Variants in CELA3A observed in about 807,000 individuals in gnomAD.
CELA3A encodes the protein chymotrypsin-like elastase family member 3A.
Under a neutral mutation model 38.6 loss-of-function variants are expected in CELA3A, and 35 were observed. The ratio of observed to expected loss-of-function variants is 0.91; its 90% CI spans 0.69 to 1.20. CELA3A has a LOEUF of 1.20. Ranked by LOEUF, CELA3A falls within the 50% of genes most tolerant of loss-of-function variation. The pLI, the probability that CELA3A is intolerant of heterozygous loss-of-function variation, is 0.00. For missense variants in CELA3A, 343 were observed against 354.2 expected (o/e 0.97, Z 0.25); for synonymous variants, 143 against 136.7 (o/e 1.05, Z -0.32).
At chr1:22,009,118 C>G (rs1044504406) in intron 6 of CELA3A, among the ~76,000 whole-genome samples, 2 of 151,308 alleles carry the variant, frequency 1.3e-5, no homozygotes, top group African/African-American at 4.9e-5. Context: ...GTAATCCCAG[C>G]ACTTCGGGAG....
Position 22,011,961 on chromosome 1 carries a change from G to A in CELA3A, c.796-489G>A, listed in dbSNP as rs1304047605. 6.3e-5 allele frequency among the ~76,000 whole-genome samples: 8 copies of A among 126,632 alleles called. 1 individual carries two copies. The highest frequency in any genetic ancestry group is 2.6e-4 in the African/African-American group (8 of 30,750). The allele number at this position is 126,632 out of a possible 152,430, so 83.1% of individuals were successfully genotyped here. ...CCAGCTACTTGGGAGGCTGAGGAAG[G>A]AGAATGGCATGAACCCAAGAAGTGG... is the stretch of plus-strand genomic sequence containing the variant. On this transcript the variant is annotated intron_variant, in intron 7 of 7. Transcript: ENST00000290122.
intron 4 of CELA3A, 36 bp from the exon 5 acceptor site, chr1:22,006,842 G>T: frequency 6.2e-7 from 1 of 1,604,678 alleles, no homozygotes; most frequent in East Asian, 2.3e-5. Flanking sequence ...GGGCCGGCTG[G>T]AGGACCAGGC....
chr1:22,007,553 G>A (rs369594877), intron 6 of CELA3A, 38 bp downstream of exon 6: 11 of 1,584,150 alleles, frequency 6.9e-6, no homozygotes, highest in Admixed American at 3.5e-5. Flanking sequence ...GGTGCTGGGT[G>A]TGCAGGACCT....
intron 4 of CELA3A, among the ~76,000 whole-genome samples, 196 bp from the exon 5 acceptor site, chr1:22,006,682 A>G (rs1277501203): frequency 6.7e-6 from 1 of 148,592 alleles, no homozygotes; most frequent in Non-Finnish European, 1.5e-5. Context: ...GTGACACTGC[A>G]CTCCAGCCTG....
At position 22,002,388 on chromosome 1, in the gene CELA3A, G is replaced by C. The variant is rs1210915529; in HGVS notation, c.44-615G>C. The C allele has an allele frequency of 8.2e-6, 3 of 364,046 alleles. No homozygotes were observed. In the East Asian group the frequency reaches 2.3e-4, roughly 28 times the overall value. The allele number at this position is 364,046 out of a possible 1,614,324, so 22.6% of individuals were successfully genotyped here. On this transcript the variant is annotated intron_variant, in intron 1 of 7. Transcript: ENST00000290122. ...TTTTTGCTTTTTTTTTGTAGAGATG[G>C]GGTCTTGCTTTGTTGCCCAGACTGG... is the stretch of plus-strand genomic sequence containing the variant.
intron 2 of CELA3A, 84 bp from the exon 3 acceptor site, chr1:22,005,363 A>G: frequency 6.6e-7 from 1 of 1,519,458 alleles, no homozygotes; most frequent in Non-Finnish European, 9.1e-7. Flanking sequence ...CTAGAGTTGC[A>G]CAGTGCACAA....
At chr1:22,004,837 C>A (rs369666698) in intron 2 of CELA3A, among the ~76,000 whole-genome samples, 9 of 144,632 alleles carry the variant, frequency 6.2e-5, no homozygotes, top group Non-Finnish European at 1.1e-4. Context: ...CGGTGGCTCA[C>A]GCCTGTAATC....
At position 22,004,352 on chromosome 1, in the gene CELA3A, C is replaced by T. The variant is rs182348750; in HGVS notation, c.130-1095C>T. 7.9e-5 allele frequency among the ~76,000 whole-genome samples: 12 copies of T among 151,210 alleles called. 2 individuals are homozygous for T. The highest frequency in any genetic ancestry group is 2.9e-4 in the African/African-American group (12 of 40,896). On this transcript the variant is annotated intron_variant, in intron 2 of 7. Transcript: ENST00000290122. ...CCTCCCACAGTGCTGGGATTATAGGCGTAAGCCACCATGCTTGGCCTGCTT... is the reference window on the plus strand; with the variant it reads ...CCTCCCACAGTGCTGGGATTATAGGTGTAAGCCACCATGCTTGGCCTGCTT...
chr1:22,009,748 G>A lies in CELA3A; in HGVS notation c.686G>A (p.Gly229Asp), dbSNP rs759074864. 7 of 1,612,220 alleles carry A rather than the reference G, an allele frequency of 4.3e-6. No individual in the cohort carries two copies. Among genetic ancestry groups the A allele is most frequent in the Non-Finnish European group, 5.9e-6 (7 of 1,179,422 alleles). The part of the protein sequence containing the change: ...GPLNCPTEDG[G>D]WQVHGVTSFV... ...CTCAACTGCCCCACAGAGGATGGTG[G>A]CTGGCAGGTCCACGGTGTGACCAGC... Residue 229 changes from glycine (G) to aspartate (D), a missense_variant, in exon 7 of 8, where the codon GGC (glycine) becomes GAC (aspartate). Transcript: ENST00000290122.
At chr1:22,005,621 TG>T (rs201725938) in intron 3 of CELA3A, 40 bp from the exon 4 acceptor site, 32,610 of 1,610,900 alleles carry the variant, frequency 0.02, 1,086 homozygotes, top group South Asian at 0.029. Context: ...AGGAGGGAGG[TG>T]AGCCAGTCAG....
chr1:22,001,772 TG>T, intron 1 of CELA3A, 55 bp downstream of exon 1: 1 of 1,601,574 alleles, frequency 6.2e-7, no homozygotes, highest in Middle Eastern at 1.7e-4. Context: ...TAGGAATCCT[TG>T]AAATCTACCA....
chr1:22,005,592 G>C (rs1315423033), intron 3 of CELA3A, 48 bp downstream of exon 3: 1 of 1,612,270 alleles, frequency 6.2e-7, no homozygotes, highest in East Asian at 2.2e-5. Flanking sequence ...CAGCGGGGGA[G>C]AGTGGGTGAT....
chr1:22,005,320 G>A, intron 2 of CELA3A, 127 bp from the exon 3 acceptor site: 1 of 1,130,732 alleles, frequency 8.8e-7, no homozygotes, highest in Non-Finnish European at 1.3e-6. Flanking sequence ...ATATTTCAGT[G>A]GGTGCTCTCG....
chr1:22,004,905 G>T (rs1412179260), intron 2 of CELA3A, among the ~76,000 whole-genome samples: 2 of 151,188 alleles, frequency 1.3e-5, no homozygotes, highest in Non-Finnish European at 2.9e-5. Context: ...CTCGAGACCA[G>T]CCTGGCCAAC....
intron 2 of CELA3A, among the ~76,000 whole-genome samples, chr1:22,004,259 G>C (rs914956416): frequency 6.6e-6 from 1 of 150,424 alleles, no homozygotes; most frequent in African/African-American, 2.5e-5. Context: ...TTGTTGTAGA[G>C]ATGGGGTCTC....
At chr1:22,010,244 C>A in intron 7 of CELA3A, 2 of 377,392 alleles carry the variant, frequency 5.3e-6, no homozygotes, top group Non-Finnish European at 1.1e-5. Context: ...GGAGTCCAGG[C>A]CCCAGACTTC....
chr1:22,008,488 G>C (rs529878963), intron 6 of CELA3A, among the ~76,000 whole-genome samples: 1 of 150,770 alleles, frequency 6.6e-6, no homozygotes, highest in Non-Finnish European at 1.5e-5. Context: ...GGCTGGGCGC[G>C]GTGGCTCACG....
At chr1:22,010,599 G>T (rs1644977624) in intron 7 of CELA3A, 1 of 127,584 alleles carries the variant, frequency 7.8e-6, no homozygotes, top group African/African-American at 3.1e-5. Context: ...CTGGGTGACA[G>T]AGCGAGACTC....
intron 2 of CELA3A, among the ~76,000 whole-genome samples, chr1:22,004,569 G>A (rs1376177654): frequency 1.3e-5 from 2 of 151,752 alleles, no homozygotes; most frequent in African/African-American, 4.9e-5. Flanking sequence ...CTGTGCCATG[G>A]TAGCATGAAA....
Sources: gnomAD v4.1 joint callset for allele counts (sites outside exome capture counted in the v4.1 genomes callset) on GRCh38, gnomAD v4.1.1 for gene constraint, MANE v1.5 for transcripts, NCBI Gene and HGNC (gene_info 2026-07-23, HGNC 2026-07-21) for gene names.